The following MSR1 variants were observed in gnomAD, a reference collection of about 807,000 sequenced individuals.
The protein encoded by MSR1 is macrophage scavenger receptor types I and II.
A neutral mutation model predicts 47.2 loss-of-function variants in MSR1; 53 were observed. The observed-to-expected ratio is 1.12, with a 90% CI of 0.90 to 1.41. The LOEUF is 1.41. Among genes scored for constraint, MSR1 ranks in the 40% most tolerant of loss-of-function variants. The probability of loss-of-function intolerance (pLI) is 0.00; values close to 1 mark genes in which losing one functional copy is unlikely to be tolerated. For missense variants in MSR1, 786 were observed against 546.9 expected, an observed-to-expected ratio of 1.44 and a Z score of -4.36; for synonymous variants, 239 against 185.6, an observed-to-expected ratio of 1.29 and a Z score of -2.34.
chr8:16,138,238 C>G lies in MSR1; in HGVS notation c.1033+5320G>C, dbSNP rs137975943. On this transcript the variant is annotated intron_variant, in intron 8 of 9. Coordinates refer to ENST00000262101, the MANE Select transcript of MSR1 (RefSeq NM_138715.3). ...AATGATGAGAAATACTACCAAACCA[C>G]ATATTGGTAATTGAGATATTTAGGA... Among the ~76,000 whole-genome samples the G allele has an allele frequency of 5.2e-3, 793 of 152,216 alleles. 10 individuals are homozygous for G. Among genetic ancestry groups the G allele is most frequent in the African/African-American group, 0.018 (751 of 41,548 alleles).
chr8:16,135,502 A>C (rs149113785), intron 8 of MSR1, among the ~76,000 whole-genome samples: 158 of 148,762 alleles, frequency 1.1e-3, no homozygotes, highest in African/African-American at 3.7e-3. Context: ...TTGAGAGTGC[A>C]CCTGGTCACC....
chr8:16,157,486 AG>A (rs997518062), intron 5 of MSR1, among the ~76,000 whole-genome samples: 1 of 151,958 alleles, frequency 6.6e-6, no homozygotes, highest in African/African-American at 2.4e-5. Flanking sequence ...AGTTCTAACT[AG>A]GCATGTTGAA....
At chr8:16,126,233 C>T (rs1800125266) in intron 8 of MSR1, among the ~76,000 whole-genome samples, 1 of 152,040 alleles carries the variant, frequency 6.6e-6, no homozygotes, top group Non-Finnish European at 1.5e-5. Flanking sequence ...AACATTCAAA[C>T]TTGAAAAGTC....
rs35119193 is a variant in MSR1, at chr8:16,192,367, A to G, written c.-5+231T>C. On this transcript the variant is annotated intron_variant, in intron 1 of 9. Coordinates refer to ENST00000262101, the MANE Select transcript of MSR1 (RefSeq NM_138715.3). ...GTATTTCATATGTACTTGTGAACAT[A>G]TATGTTTTTCACTCATGGAAAATTT... is the stretch of plus-strand genomic sequence containing the variant. Among the ~76,000 whole-genome samples the G allele has an allele frequency of 9.5e-3, 1,448 of 152,296 alleles. 22 individuals are homozygous for G. Among genetic ancestry groups the G allele is most frequent in the African/African-American group, 0.033 (1,359 of 41,556 alleles).
chr8:16,118,918 T>C (rs994628854), intron 9 of MSR1, among the ~76,000 whole-genome samples: 1 of 152,160 alleles, frequency 6.6e-6, no homozygotes, highest in Admixed American at 6.5e-5. Flanking sequence ...ATAAATTTTA[T>C]AGGTGCAAGA....
At chr8:16,138,500 C>A (rs942574322) in intron 8 of MSR1, among the ~76,000 whole-genome samples, 1 of 152,124 alleles carries the variant, frequency 6.6e-6, no homozygotes, top group Non-Finnish European at 1.5e-5. Context: ...AGAGAGAAGA[C>A]TTTCTTCCCT....
At chr8:16,111,579 A>C (rs544969190) in intron 9 of MSR1, among the ~76,000 whole-genome samples, 40 of 152,302 alleles carry the variant, frequency 2.6e-4, no homozygotes, top group African/African-American at 8.9e-4. Flanking sequence ...TAGCAAAGGA[A>C]AGAAATTATT....
chr8:16,139,223 T>C (rs1329116805), intron 8 of MSR1: 9 of 973,000 alleles, frequency 9.2e-6, no homozygotes, highest in Non-Finnish European at 1.1e-5. Flanking sequence ...TTCATTTTGC[T>C]TTCACTCCTA....
intron 5 of MSR1, among the ~76,000 whole-genome samples, chr8:16,156,357 A>T (rs1801007289): frequency 6.6e-6 from 1 of 151,922 alleles, no homozygotes; most frequent in Non-Finnish European, 1.5e-5. Context: ...AGGGGGAACC[A>T]CATAAATAAA....
At chr8:16,155,946 C>A (rs1284377242) in intron 5 of MSR1, among the ~76,000 whole-genome samples, 2 of 151,786 alleles carry the variant, frequency 1.3e-5, no homozygotes, top group African/African-American at 2.4e-5. Context: ...AACTAAACAA[C>A]CCTGATTTAG....
At chr8:16,188,776 C>T (rs557322138) in intron 1 of MSR1, among the ~76,000 whole-genome samples, 1 of 151,734 alleles carries the variant, frequency 6.6e-6, no homozygotes, top group Non-Finnish European at 1.5e-5. Flanking sequence ...TTTTTCTGTT[C>T]CTCTGTTAGT....
chr8:16,167,098 A>C (rs1801334680), intron 4 of MSR1, among the ~76,000 whole-genome samples: 2 of 152,152 alleles, frequency 1.3e-5, no homozygotes, highest in Admixed American at 6.6e-5. Flanking sequence ...TCCCTCCAAA[A>C]TTTAAGTGTA....
intron 5 of MSR1, among the ~76,000 whole-genome samples, chr8:16,160,852 G>C: frequency 6.6e-6 from 1 of 151,872 alleles, no homozygotes; most frequent in East Asian, 1.9e-4. Flanking sequence ...ATGACAGAGG[G>C]AAGATTGAGA....
At chr8:16,115,158 A>C (rs1407799934) in intron 9 of MSR1, among the ~76,000 whole-genome samples, 1 of 152,128 alleles carries the variant, frequency 6.6e-6, no homozygotes, top group Non-Finnish European at 1.5e-5. Flanking sequence ...CAGCCTGGGC[A>C]ACAAGAGCGA....
At chr8:16,187,833 A>G (rs1320052599) in intron 1 of MSR1, among the ~76,000 whole-genome samples, 1 of 152,168 alleles carries the variant, frequency 6.6e-6, no homozygotes, top group Non-Finnish European at 1.5e-5. Flanking sequence ...AACAAAAAAT[A>G]TTACCCTCAG....
At chr8:16,144,110 G>A (rs561971647) in intron 7 of MSR1, among the ~76,000 whole-genome samples, 290 of 152,112 alleles carry the variant, frequency 1.9e-3, no homozygotes, top group Middle Eastern at 3.4e-3. Context: ...TCCTTGGAGC[G>A]TTCACATCTC....
At chr8:16,130,660 T>C (rs1585144275) in intron 8 of MSR1, among the ~76,000 whole-genome samples, 2 of 151,954 alleles carry the variant, frequency 1.3e-5, no homozygotes, top group Admixed American at 1.3e-4. Flanking sequence ...TAGACCCCAC[T>C]GTCTGTTGTT....
Position 16,108,054 on chromosome 8 carries a change from A to T in MSR1, c.*2031T>A, listed in dbSNP as rs936607670. The T allele has an allele frequency of 1.3e-5, 2 of 151,690 alleles. No individual in the cohort carries two copies. The highest frequency in any genetic ancestry group is 4.8e-5 in the African/African-American group (2 of 41,340). The allele number at this position is 151,690 out of a possible 1,614,324, so 9.4% of individuals were successfully genotyped here. On this transcript the variant is annotated 3_prime_UTR_variant, in exon 10 of 10. Transcript: ENST00000262101. ...CTTATTAAAGATATATCTATGCATA[A>T]GTGGTAAATCAGCATGCATATACCA...
chr8:16,124,853 T>C (rs1189579984), intron 8 of MSR1, among the ~76,000 whole-genome samples: 1 of 152,122 alleles, frequency 6.6e-6, no homozygotes, highest in Non-Finnish European at 1.5e-5. Flanking sequence ...CTTCTCTTGA[T>C]ACATGAACTG....
Sources: allele counts gnomAD v4.1 joint callset (sites outside exome capture counted in the v4.1 genomes callset), GRCh38; gene constraint gnomAD v4.1.1; transcripts MANE v1.5; gene names NCBI Gene and HGNC (gene_info 2026-07-23, HGNC 2026-07-21).